EIPR1: variants seen among roughly 807,000 people sequenced by gnomAD.
EIPR1 encodes EARP and GARP complex-interacting protein 1.
In EIPR1, 25 loss-of-function variants were observed where a neutral mutation model predicts 48.1. The observed-to-expected ratio is 0.52, with a 90% CI of 0.38 to 0.73. EIPR1 has a LOEUF of 0.73. Among genes scored for constraint, EIPR1 ranks in the 30% least tolerant of loss-of-function variants. EIPR1 has a pLI of 0.00. For synonymous variants in EIPR1, 204 were observed against 201.9 expected (o/e 1.01, Z -0.09); for missense variants, 415 against 506.2 (o/e 0.82, Z 1.73).
At chr2:3,339,041 G>A (rs1670152724) in intron 2 of EIPR1, among the ~76,000 whole-genome samples, 1 of 152,180 alleles carries the variant, frequency 6.6e-6, no homozygotes, top group Non-Finnish European at 1.5e-5. Flanking sequence ...CAAATAAATT[G>A]CAGTATTTGA....
chr2:3,260,497 TGAAG>T (rs56357528), intron 3 of EIPR1, among the ~76,000 whole-genome samples: 3 of 38,134 alleles, frequency 7.9e-5, no homozygotes, highest in African/African-American at 1.0e-4. Context: ...TCTCAAAAAA[TGAAG>T]GAAGGAAGGG....
intron 3 of EIPR1, among the ~76,000 whole-genome samples, chr2:3,318,248 G>A (rs557279318): frequency 6.6e-6 from 1 of 152,344 alleles, no homozygotes; most frequent in Non-Finnish European, 1.5e-5. Context: ...AGTCTTACTG[G>A]AAAAATTAAT....
chr2:3,212,711 G>A (rs1455463677), intron 5 of EIPR1, among the ~76,000 whole-genome samples: 1 of 152,188 alleles, frequency 6.6e-6, no homozygotes. Flanking sequence ...TGCAGGTGTG[G>A]TCCACGGGGG....
intron 4 of EIPR1, among the ~76,000 whole-genome samples, chr2:3,253,866 G>A (rs1443839685): frequency 1.3e-5 from 2 of 152,158 alleles, no homozygotes; most frequent in Non-Finnish European, 2.9e-5. Flanking sequence ...AGCTGAAATG[G>A]CCAGGAGGAC....
intron 4 of EIPR1, among the ~76,000 whole-genome samples, chr2:3,256,562 G>C (rs987929717): frequency 2.6e-5 from 4 of 152,168 alleles, no homozygotes; most frequent in African/African-American, 9.7e-5. Context: ...CTGTACAAAC[G>C]ATTTGTCTCT....
At chr2:3,372,866 C>A (rs1305281797) in intron 1 of EIPR1, among the ~76,000 whole-genome samples, 4 of 152,090 alleles carry the variant, frequency 2.6e-5, no homozygotes, top group African/African-American at 9.7e-5. Context: ...GGGAATCCTC[C>A]CTAACTCATT....
At chr2:3,193,807 T>G (rs889969781) in intron 7 of EIPR1, among the ~76,000 whole-genome samples, 192 bp downstream of exon 7, 9 of 152,242 alleles carry the variant, frequency 5.9e-5, no homozygotes, top group Non-Finnish European at 1.2e-4. Context: ...GTTTTTCTTC[T>G]TTTCCTACGT....
At chr2:3,250,037 G>C (rs1223076478) in intron 4 of EIPR1, among the ~76,000 whole-genome samples, 1 of 152,238 alleles carries the variant, frequency 6.6e-6, no homozygotes, top group Non-Finnish European at 1.5e-5. Context: ...GACTGCACTA[G>C]GGTAATGCTT....
chr2:3,346,767 G>A (rs1452477439), intron 2 of EIPR1, among the ~76,000 whole-genome samples: 1 of 152,220 alleles, frequency 6.6e-6, no homozygotes, highest in African/African-American at 2.4e-5. Flanking sequence ...GATAGAAGCT[G>A]TTTGTAGGAG....
intron 3 of EIPR1, among the ~76,000 whole-genome samples, chr2:3,292,468 C>T (rs1037370483): frequency 4.6e-5 from 7 of 152,184 alleles, no homozygotes; most frequent in Non-Finnish European, 1.0e-4. Flanking sequence ...CGGGGACAGC[C>T]CCCCGTACCT....
intron 5 of EIPR1, among the ~76,000 whole-genome samples, chr2:3,203,468 A>G (rs1665118220): frequency 6.6e-6 from 1 of 152,250 alleles, no homozygotes; most frequent in South Asian, 2.1e-4. Context: ...GTCAGCGACA[A>G]AACAGACCAG....
At chr2:3,248,308 C>T (rs1176921828) in intron 4 of EIPR1, among the ~76,000 whole-genome samples, 2 of 152,080 alleles carry the variant, frequency 1.3e-5, no homozygotes, top group Non-Finnish European at 2.9e-5. Context: ...ACTAGCCGGG[C>T]ATGAGCTGGG....
In EIPR1 at chr2:3,196,945, TATG is replaced by T. The variant is rs751270746; in HGVS notation, c.586_588del (p.His196del). The T allele has an allele frequency of 6.2e-7, 1 of 1,613,964 alleles. No homozygotes were observed. The highest frequency in any genetic ancestry group is 8.5e-7 in the Non-Finnish European group (1 of 1,180,046). ...TTCGCTGTGGCCACCTGGGTGCAGT[TATG>T]ATGTGGGCTCCACCGTCCTGAGGTG... is the stretch of plus-strand genomic sequence containing the variant. On this transcript the variant is annotated inframe_deletion, in exon 6 of 9. Coordinates refer to ENST00000382125, the MANE Select transcript of EIPR1 (RefSeq NM_003310.5).
At chr2:3,238,828 C>T (rs1047925288) in intron 4 of EIPR1, among the ~76,000 whole-genome samples, 14 of 152,218 alleles carry the variant, frequency 9.2e-5, no homozygotes, top group Admixed American at 2.0e-4. Context: ...CCAGACAAGA[C>T]GGGCAAGGAC....
chr2:3,224,905 C>A (rs1558235153), intron 4 of EIPR1, among the ~76,000 whole-genome samples: 1 of 152,236 alleles, frequency 6.6e-6, no homozygotes, highest in East Asian at 1.9e-4. Flanking sequence ...AGCACCGGAG[C>A]TCCTCCACTG....
chr2:3,327,101 C>A (rs1018045045), intron 3 of EIPR1, among the ~76,000 whole-genome samples: 3 of 152,212 alleles, frequency 2.0e-5, no homozygotes, highest in Non-Finnish European at 4.4e-5. Context: ...CACACAGGGG[C>A]CGGGAGATGG....
chr2:3,352,611 G>A (rs182347255), intron 2 of EIPR1, among the ~76,000 whole-genome samples: 1 of 152,272 alleles, frequency 6.6e-6, no homozygotes, highest in Non-Finnish European at 1.5e-5. Context: ...CTGAAGGTCA[G>A]TAATAGCCTA....
chr2:3,202,128 G>A lies in EIPR1; in HGVS notation c.517-5111C>T, dbSNP rs569025353. ...AATTTTTTGTATTTTTAGTAGAGAC[G>A]GGGTTTCACCATGTTAGCCAGGATG... On this transcript the variant is annotated intron_variant, in intron 5 of 8. Coordinates refer to ENST00000382125, the MANE Select transcript of EIPR1 (RefSeq NM_003310.5). Among the ~76,000 whole-genome samples, 29 of 152,078 alleles carry A rather than the reference G, an allele frequency of 1.9e-4. No individual in the cohort carries two copies. In the East Asian group the frequency reaches 2.9e-3, roughly 15 times the overall value.
intron 2 of EIPR1, among the ~76,000 whole-genome samples, chr2:3,349,563 C>A (rs1376123162): frequency 2.0e-5 from 3 of 150,714 alleles, no homozygotes; most frequent in Non-Finnish European, 4.4e-5. Context: ...AGGATGCTGC[C>A]AGACAGGGAC....
Sources: allele counts gnomAD v4.1 joint callset (sites outside exome capture counted in the v4.1 genomes callset), GRCh38; gene constraint gnomAD v4.1.1; transcripts MANE v1.5; gene names NCBI Gene and HGNC (gene_info 2026-07-23, HGNC 2026-07-21).